DPP10: variants seen among roughly 807,000 people sequenced by gnomAD.
The protein encoded by DPP10 is dipeptidyl peptidase like 10, also known as inactive dipeptidyl peptidase 10.
In DPP10, 33 loss-of-function variants were observed where a neutral mutation model predicts 120.9. The ratio of observed to expected loss-of-function variants is 0.27; its 90% CI spans 0.21 to 0.37. DPP10 has a LOEUF of 0.37. Ranked by LOEUF, DPP10 falls within the 10% of genes least tolerant of loss-of-function variation. DPP10 has a pLI of 1.00. For missense variants in DPP10, 816 were observed against 942.8 expected (o/e 0.87, Z 1.76); for synonymous variants, 337 against 326.1 (o/e 1.03, Z -0.36).
chr2:115,797,328 G>C (rs17045011), intron 19 of DPP10, among the ~76,000 whole-genome samples: 2,768 of 152,084 alleles, frequency 0.018, 85 homozygotes, highest in African/African-American at 0.061. Context: ...ATCAGATTGT[G>C]AGAGGTGAGT....
chr2:115,751,544 G>A (rs1214497289), intron 10 of DPP10, among the ~76,000 whole-genome samples: 1 of 151,996 alleles, frequency 6.6e-6, no homozygotes, highest in Non-Finnish European at 1.5e-5. Flanking sequence ...AGAAATTGTT[G>A]AAAAAAATAT....
At chr2:115,007,668 C>G (rs2105058923) in intron 1 of DPP10, among the ~76,000 whole-genome samples, 1 of 151,770 alleles carries the variant, frequency 6.6e-6, no homozygotes, top group Non-Finnish European at 1.5e-5. Flanking sequence ...GATTGTATAT[C>G]TAGAAAACCC....
chr2:114,635,530 C>T (rs886615460), intron 1 of DPP10, among the ~76,000 whole-genome samples: 3 of 151,860 alleles, frequency 2.0e-5, no homozygotes, highest in Non-Finnish European at 2.9e-5. Flanking sequence ...TGTTAGTGAC[C>T]GCTTTTCTGA....
rs1265577264 is a variant in DPP10, at chr2:115,798,710, T to TA, written c.1700+7358dup. On this transcript the variant is annotated intron_variant, in intron 19 of 25. Transcript: ENST00000410059. ...AAGAAACTAATAATTATTGTATTTT[T>TA]AAAAGAAAACCACAACCCAAATAAT... Among the ~76,000 whole-genome samples, 6 of 152,220 alleles carry TA rather than the reference T, an allele frequency of 3.9e-5. No individual in the cohort carries two copies. In the East Asian group the frequency reaches 1.2e-3, roughly 29 times the overall value.
chr2:115,197,730 T>C (rs1388150334), intron 1 of DPP10, among the ~76,000 whole-genome samples: 5 of 152,218 alleles, frequency 3.3e-5, no homozygotes, highest in Admixed American at 3.3e-4. Context: ...GGCTGTAAAA[T>C]TTGACTCAAT....
At chr2:114,714,283 A>C (rs1319930223) in intron 1 of DPP10, among the ~76,000 whole-genome samples, 3 of 152,172 alleles carry the variant, frequency 2.0e-5, no homozygotes, top group Admixed American at 1.3e-4. Flanking sequence ...TATAGGAAAA[A>C]TAATCTGCTT....
At chr2:115,428,470 G>A (rs2070680248) in intron 3 of DPP10, among the ~76,000 whole-genome samples, 1 of 152,146 alleles carries the variant, frequency 6.6e-6, no homozygotes, top group African/African-American at 2.4e-5. Context: ...CTTCTGGGGA[G>A]GCCTCAGGCA....
At chr2:115,101,260 C>G (rs1012764263) in intron 1 of DPP10, among the ~76,000 whole-genome samples, 1 of 152,152 alleles carries the variant, frequency 6.6e-6, no homozygotes, top group Admixed American at 6.5e-5. Flanking sequence ...ACCTACCCCA[C>G]CTTATGGCTG....
chr2:115,583,687 AG>A (rs1390142114), intron 5 of DPP10, among the ~76,000 whole-genome samples: 2 of 152,232 alleles, frequency 1.3e-5, no homozygotes, highest in Non-Finnish European at 2.9e-5. Context: ...CTGATCAAAT[AG>A]TCACATGCCT....
chr2:114,553,248 C>T (rs1688030248), intron 1 of DPP10, among the ~76,000 whole-genome samples: 2 of 152,232 alleles, frequency 1.3e-5, no homozygotes, highest in African/African-American at 4.8e-5. Context: ...GCTGGGCCAG[C>T]TTCTCCCGCT....
intron 3 of DPP10, among the ~76,000 whole-genome samples, chr2:115,494,519 G>A (rs910172091): frequency 6.6e-6 from 1 of 152,100 alleles, no homozygotes; most frequent in Non-Finnish European, 1.5e-5. Context: ...TGTGAGCAGT[G>A]TTTTAGGGAG....
intron 3 of DPP10, among the ~76,000 whole-genome samples, chr2:115,397,031 C>A (rs1559541046): frequency 6.6e-6 from 1 of 152,136 alleles, no homozygotes; most frequent in Non-Finnish European, 1.5e-5. Flanking sequence ...TTCAAGTGTT[C>A]TTATTTGCAA....
chr2:114,556,369 T>C (rs1688318196), intron 1 of DPP10, among the ~76,000 whole-genome samples: 1 of 150,740 alleles, frequency 6.6e-6, no homozygotes, highest in Admixed American at 6.6e-5. Context: ...GAATTGGTTG[T>C]AGGATGGGAA....
At chr2:115,712,546 A>T (rs1422830825) in intron 7 of DPP10, among the ~76,000 whole-genome samples, 48 of 83,748 alleles carry the variant, frequency 5.7e-4, no homozygotes, top group African/African-American at 2.8e-3. Flanking sequence ...TGAATTAAAT[A>T]TATATATATA....
chr2:114,910,460 T>C (rs1487142068), intron 1 of DPP10, among the ~76,000 whole-genome samples: 1 of 152,032 alleles, frequency 6.6e-6, no homozygotes, highest in Admixed American at 6.6e-5. Context: ...AATAGTGGCC[T>C]AATAACAAAT....
intron 1 of DPP10, among the ~76,000 whole-genome samples, chr2:114,982,897 G>A (rs549775892): frequency 1.1e-4 from 17 of 151,924 alleles, no homozygotes; most frequent in African/African-American, 2.4e-4. Context: ...GTGAGCCACT[G>A]CGCCCAGCCA....
At chr2:114,882,488 G>T (rs1022879362) in intron 1 of DPP10, among the ~76,000 whole-genome samples, 1 of 151,036 alleles carries the variant, frequency 6.6e-6, no homozygotes, top group Admixed American at 6.6e-5. Flanking sequence ...TAATGTAATG[G>T]ACTTTGGGGA....
intron 1 of DPP10, among the ~76,000 whole-genome samples, chr2:114,925,210 C>CAAAAAAAAAAAAAAAAAAAAAAAAAAA (rs66986816): frequency 9.5e-6 from 1 of 104,822 alleles, no homozygotes. Context: ...GACTCTGTCT[C>CAAAAAAAAAAAAAAAAAAAAAAAAAAA]AAAAAAAAAA....
At chr2:115,057,017 AGAG>A (rs1168745801) in intron 1 of DPP10, among the ~76,000 whole-genome samples, 1 of 152,236 alleles carries the variant, frequency 6.6e-6, no homozygotes, top group East Asian at 1.9e-4. Context: ...TAAGTCTAAA[AGAG>A]GAGAACTATT....
Sources: allele counts gnomAD v4.1 joint callset (sites outside exome capture counted in the v4.1 genomes callset), GRCh38; gene constraint gnomAD v4.1.1; transcripts MANE v1.5; gene names NCBI Gene and HGNC (gene_info 2026-07-23, HGNC 2026-07-21).